Variants in HSPA4L observed in about 807,000 individuals in gnomAD.
HSPA4L encodes heat shock 70 kDa protein 4L.
A neutral mutation model predicts 100.3 loss-of-function variants in HSPA4L; 48 were observed. That is an observed-to-expected ratio of 0.48 (90% CI 0.38 to 0.61). HSPA4L has a LOEUF of 0.61. HSPA4L is among the 20% of genes least tolerant of loss of function. The probability of loss-of-function intolerance (pLI) is 0.00; values close to 1 mark genes in which losing one functional copy is unlikely to be tolerated. For synonymous variants in HSPA4L, 319 were observed against 328.2 expected (o/e 0.97, Z 0.30); for missense variants, 886 against 988.6 (o/e 0.90, Z 1.39).
At chr4:127,792,078 C>A (rs1732892955) in intron 1 of HSPA4L, among the ~76,000 whole-genome samples, 1 of 152,136 alleles carries the variant, frequency 6.6e-6, no homozygotes, top group African/African-American at 2.4e-5. Context: ...TTTGTTCAGC[C>A]CTTGGAAAGC....
At chr4:127,799,171 G>A (rs1158354049) in intron 4 of HSPA4L, among the ~76,000 whole-genome samples, 1 of 152,064 alleles carries the variant, frequency 6.6e-6, no homozygotes, top group Non-Finnish European at 1.5e-5. Context: ...TTACCTACAT[G>A]TTAACTAAAT....
intron 14 of HSPA4L, among the ~76,000 whole-genome samples, chr4:127,822,476 T>C (rs189566520): frequency 6.6e-6 from 1 of 152,340 alleles, no homozygotes; most frequent in African/African-American, 2.4e-5. Context: ...AACACTGACA[T>C]ACAAATATCT....
At chr4:127,825,926 CAA>C (rs78623521) in intron 16 of HSPA4L, among the ~76,000 whole-genome samples, 8 of 57,230 alleles carry the variant, frequency 1.4e-4, no homozygotes, top group East Asian at 7.1e-4. Context: ...AACTCCATCT[CAA>C]AAAAAAAAAA....
At chr4:127,784,591 G>A (rs1488575032) in intron 1 of HSPA4L, among the ~76,000 whole-genome samples, 1 of 152,230 alleles carries the variant, frequency 6.6e-6, no homozygotes, top group African/African-American at 2.4e-5. Context: ...CACTTAGCTT[G>A]CATCAGCAAC....
chr4:127,809,077 T>C, intron 11 of HSPA4L: 1 of 569,744 alleles, frequency 1.8e-6, no homozygotes. Context: ...TGAGGGCGAT[T>C]GGAAGGTGAG....
At chr4:127,809,349 T>C in intron 11 of HSPA4L, 1 of 1,139,616 alleles carries the variant, frequency 8.8e-7, no homozygotes, top group East Asian at 2.3e-5. Context: ...TGAGCCGCAG[T>C]ATATTGCAGC....
intron 13 of HSPA4L, among the ~76,000 whole-genome samples, chr4:127,819,346 C>T (rs1733751463): frequency 6.6e-6 from 1 of 152,100 alleles, no homozygotes; most frequent in Admixed American, 6.5e-5. Flanking sequence ...TTCTAACCTG[C>T]ATAGATTAAA....
chr4:127,823,024 G>T (rs1733853938), intron 15 of HSPA4L, 130 bp downstream of exon 15: 1 of 786,638 alleles, frequency 1.3e-6, no homozygotes. Flanking sequence ...TATGGGGAAG[G>T]TTCTTATTTT....
chr4:127,803,465 TAA>T (rs1733251719), intron 6 of HSPA4L, among the ~76,000 whole-genome samples, 162 bp from the exon 7 acceptor site: 1 of 152,176 alleles, frequency 6.6e-6, no homozygotes, highest in South Asian at 2.1e-4. Context: ...TGACTAAATA[TAA>T]GTGATAATTT....
At chr4:127,830,860 T>G in intron 18 of HSPA4L, 61 bp downstream of exon 18, 1 of 1,048,172 alleles carries the variant, frequency 9.5e-7, no homozygotes, top group Non-Finnish European at 1.3e-6. Context: ...TTAATGAGAG[T>G]CATACTTTGG....
intron 12 of HSPA4L, among the ~76,000 whole-genome samples, chr4:127,816,276 T>C (rs1390438692): frequency 6.6e-6 from 1 of 152,202 alleles, no homozygotes; most frequent in African/African-American, 2.4e-5. Flanking sequence ...GGCACTTCCA[T>C]TAATTATCCC....
At chr4:127,824,774 T>C (rs1733900197) in intron 16 of HSPA4L, among the ~76,000 whole-genome samples, 1 of 152,186 alleles carries the variant, frequency 6.6e-6, no homozygotes, top group African/African-American at 2.4e-5. Flanking sequence ...TTTAGGTCAG[T>C]GGTGTTATTT....
At chr4:127,795,332 C>G (rs1008392186) in intron 2 of HSPA4L, among the ~76,000 whole-genome samples, 6 of 152,074 alleles carry the variant, frequency 3.9e-5, no homozygotes, top group African/African-American at 1.4e-4. Context: ...GCTCCAAAAT[C>G]TGAAACTTTT....
chr4:127,809,325 T>G, intron 11 of HSPA4L: 1 of 1,171,916 alleles, frequency 8.5e-7, no homozygotes, highest in South Asian at 1.2e-5. Flanking sequence ...TAATAAGGAC[T>G]TCTGGGATCA....
intron 16 of HSPA4L, among the ~76,000 whole-genome samples, chr4:127,825,926 CAAAAAAA>C (rs78623521): frequency 0.15 from 8,798 of 57,252 alleles, 347 homozygotes; most frequent in Non-Finnish European, 0.19. Flanking sequence ...AACTCCATCT[CAAAAAAA>C]AAAAAAAAAA....
In HSPA4L at chr4:127,782,369, G is replaced by A. The variant is rs1020892792; in HGVS notation, c.-182G>A. The A allele has an allele frequency of 5.1e-6, 3 of 588,810 alleles. No individual in the cohort carries two copies. The highest frequency in any genetic ancestry group is 2.0e-5 in the South Asian group (1 of 50,756). 36.5% of individuals were successfully genotyped at this position (588,810 alleles called of 1,614,324 possible). A position where few individuals can be genotyped will look rare whatever the true frequency, so the allele number is the denominator to read the frequency against. ...GGGACGCGGTGCAGGCTGCGGCGCT[G>A]ACGGCCTCTGCTCCTTCCGCGGGTT... On this transcript the variant is annotated 5_prime_UTR_variant, in exon 1 of 19. Coordinates refer to ENST00000296464, the MANE Select transcript of HSPA4L (RefSeq NM_014278.4).
chr4:127,809,161 A>G, intron 11 of HSPA4L: 1 of 882,108 alleles, frequency 1.1e-6, no homozygotes, highest in Admixed American at 1.8e-5. Context: ...ATTGAAACAA[A>G]ATAGGAAAAT....
intron 18 of HSPA4L, 57 bp downstream of exon 18, chr4:127,830,856 A>G (rs181250002): frequency 1.2e-4 from 128 of 1,089,574 alleles, no homozygotes; most frequent in Non-Finnish European, 1.6e-4. Context: ...ATTTTTAATG[A>G]GAGTCATACT....
chr4:127,810,439 A>G lies in HSPA4L; in HGVS notation c.1379-998A>G, dbSNP rs1035767397. ...ATTTGTTGTCTCATTTCTGGAGGTT[A>G]GAAGTCTGAAGTCAAGGTATCTCCA... On this transcript the variant is annotated intron_variant, in intron 11 of 18. Transcript: ENST00000296464. Among the ~76,000 whole-genome samples, 4 of 152,210 alleles carry G rather than the reference A, an allele frequency of 2.6e-5. No homozygotes were observed. In the South Asian group the frequency reaches 6.2e-4, roughly 24 times the overall value.
Sources: gnomAD v4.1 joint callset for allele counts (sites outside exome capture counted in the v4.1 genomes callset) on GRCh38, gnomAD v4.1.1 for gene constraint, MANE v1.5 for transcripts, NCBI Gene and HGNC (gene_info 2026-07-23, HGNC 2026-07-21) for gene names.